ARL15: variants seen among roughly 807,000 people sequenced by gnomAD.
ARL15 encodes the protein ADP-ribosylation factor-like protein 15.
A neutral mutation model predicts 25.2 loss-of-function variants in ARL15; 19 were observed. That is an observed-to-expected ratio of 0.75 (90% CI 0.53 to 1.10). ARL15 has a LOEUF of 1.10. Ranked by LOEUF, ARL15 falls within the 50% of genes least tolerant of loss-of-function variation. The pLI, the probability that ARL15 is intolerant of heterozygous loss-of-function variation, is 0.00. For synonymous variants in ARL15, 94 were observed against 86.8 expected, an observed-to-expected ratio of 1.08 and a Z score of -0.46; for missense variants, 220 against 246.0, an observed-to-expected ratio of 0.89 and a Z score of 0.71.
intron 2 of ARL15, among the ~76,000 whole-genome samples, chr5:54,164,588 A>G (rs1754512462): frequency 6.6e-6 from 1 of 152,132 alleles, no homozygotes; most frequent in Admixed American, 6.6e-5. Flanking sequence ...TCCTGAATAA[A>G]TGATCCCTTC....
intron 4 of ARL15, among the ~76,000 whole-genome samples, chr5:54,104,795 T>C (rs1752542145): frequency 2.0e-5 from 3 of 152,092 alleles, no homozygotes; most frequent in Admixed American, 1.3e-4. Flanking sequence ...TAAGAAAATA[T>C]TAAGACTATT....
At chr5:54,256,633 G>C (rs1205167057) in intron 1 of ARL15, among the ~76,000 whole-genome samples, 2 of 145,038 alleles carry the variant, frequency 1.4e-5, no homozygotes, top group Admixed American at 1.4e-4. Context: ...AAAAGAAAAA[G>C]AAAGAAAGAA....
chr5:54,033,015 G>A (rs182853566), intron 4 of ARL15, among the ~76,000 whole-genome samples: 2 of 151,084 alleles, frequency 1.3e-5, no homozygotes, highest in Admixed American at 1.3e-4. Flanking sequence ...GGAATCTACA[G>A]CTATATAAGG....
intron 3 of ARL15, among the ~76,000 whole-genome samples, chr5:54,125,249 G>A (rs989791935): frequency 1.3e-5 from 2 of 151,988 alleles, no homozygotes; most frequent in Admixed American, 6.6e-5. Flanking sequence ...GGTCAGGCTG[G>A]TCTCGAACTC....
At chr5:54,250,335 G>T (rs907100314) in intron 1 of ARL15, among the ~76,000 whole-genome samples, 1 of 152,150 alleles carries the variant, frequency 6.6e-6, no homozygotes, top group African/African-American at 2.4e-5. Context: ...TTCAACATGA[G>T]ACTTGGGGGG....
chr5:53,911,951 C>T (rs150712453), intron 4 of ARL15: 2 of 152,056 alleles, frequency 1.3e-5, no homozygotes, highest in Non-Finnish European at 2.9e-5. Context: ...TCTTTTTCAC[C>T]TTCCTTTCCA....
rs144948919 is a variant in ARL15, at chr5:54,226,916, T to C, written c.49-54988A>G. ...TGGTTCTCCCATTCTGTTCTCATGG[T>C]AGTGAATAAGTCTCATGAGATCTGA... On this transcript the variant is annotated intron_variant, in intron 1 of 4. Coordinates refer to ENST00000504924, the MANE Select transcript of ARL15 (RefSeq NM_019087.3). Among the ~76,000 whole-genome samples, 1,363 of 152,278 alleles carry C rather than the reference T, an allele frequency of 9.0e-3. 52 individuals carry two copies. Among genetic ancestry groups the C allele is most frequent in the East Asian group, 0.066 (343 of 5,158 alleles).
intron 4 of ARL15, among the ~76,000 whole-genome samples, chr5:54,030,376 T>A (rs1424467508): frequency 6.6e-6 from 1 of 152,184 alleles, no homozygotes; most frequent in Non-Finnish European, 1.5e-5. Flanking sequence ...ATTGTAACTA[T>A]CATTTCTTAA....
chr5:54,120,665 A>G (rs946722493), intron 3 of ARL15, among the ~76,000 whole-genome samples: 1 of 152,204 alleles, frequency 6.6e-6, no homozygotes, highest in Non-Finnish European at 1.5e-5. Flanking sequence ...ATGTTTTTTA[A>G]GCAGCTAATT....
In ARL15 at chr5:54,171,857, G is replaced by GA; in HGVS notation, c.119dup (p.Thr41HisfsTer15). 6.2e-7 allele frequency: 1 copy of GA among 1,613,704 alleles called. No individual in the cohort carries two copies. ...ACAGACTGGTTTTGCCAGAACCTGT[G>GA]AGGCCTATGCAAACCAGGTCATATT... On this transcript the variant is annotated frameshift_variant, in exon 2 of 5. Transcript: ENST00000504924. LOFTEE classifies it high-confidence loss of function.
At chr5:54,283,841 A>G (rs1422510979) in intron 1 of ARL15, among the ~76,000 whole-genome samples, 2 of 152,232 alleles carry the variant, frequency 1.3e-5, no homozygotes, top group Admixed American at 6.5e-5. Flanking sequence ...TAAGTTCTCC[A>G]AAATGAGATG....
At chr5:54,133,431 G>T (rs1161149272) in intron 3 of ARL15, among the ~76,000 whole-genome samples, 1 of 152,262 alleles carries the variant, frequency 6.6e-6, no homozygotes, top group East Asian at 1.9e-4. Context: ...AGAGAAAGTG[G>T]CAAGTGCTGG....
At chr5:54,109,609 T>C (rs1041235030) in intron 4 of ARL15, among the ~76,000 whole-genome samples, 3 of 152,016 alleles carry the variant, frequency 2.0e-5, no homozygotes, top group Non-Finnish European at 4.4e-5. Flanking sequence ...AACTGAAGTA[T>C]GCTCTCCTAT....
chr5:54,231,907 G>C (rs1348889754), intron 1 of ARL15, among the ~76,000 whole-genome samples: 3 of 152,144 alleles, frequency 2.0e-5, no homozygotes, highest in Non-Finnish European at 4.4e-5. Context: ...CTGGGGGACA[G>C]AGCCTCAACA....
At chr5:54,125,071 T>C (rs938214547) in intron 3 of ARL15, among the ~76,000 whole-genome samples, 6 of 149,824 alleles carry the variant, frequency 4.0e-5, no homozygotes, top group Non-Finnish European at 8.9e-5. Context: ...AAGTTTTTTG[T>C]TTTGTTTTGT....
At chr5:54,275,691 ATTTTT>A (rs111402842) in intron 1 of ARL15, among the ~76,000 whole-genome samples, 2 of 144,696 alleles carry the variant, frequency 1.4e-5, no homozygotes, top group Non-Finnish European at 3.0e-5. Flanking sequence ...TATTTTATTT[ATTTTT>A]TTTTTTGAGA....
At chr5:54,284,555 G>A (rs1027887582) in intron 1 of ARL15, among the ~76,000 whole-genome samples, 1 of 152,198 alleles carries the variant, frequency 6.6e-6, no homozygotes. Flanking sequence ...CTCTTTTTAT[G>A]AGCTTTATCT....
At chr5:54,157,427 T>A (rs1000157531) in intron 2 of ARL15, among the ~76,000 whole-genome samples, 15 of 152,218 alleles carry the variant, frequency 9.9e-5, no homozygotes, top group Admixed American at 9.8e-4. Flanking sequence ...TTTTATTTTT[T>A]TTGAGATGGA....
intron 4 of ARL15, among the ~76,000 whole-genome samples, chr5:54,085,684 C>T (rs534424342): frequency 1.3e-5 from 2 of 152,246 alleles, no homozygotes; most frequent in African/African-American, 2.4e-5. Context: ...ATTTATTAGG[C>T]TAACACTTTC....
Sources: allele counts gnomAD v4.1 joint callset (sites outside exome capture counted in the v4.1 genomes callset), GRCh38; gene constraint gnomAD v4.1.1; transcripts MANE v1.5; gene names NCBI Gene and HGNC (gene_info 2026-07-23, HGNC 2026-07-21).